Variants in PITPNM3 observed in about 807,000 individuals in gnomAD.
PITPNM3 encodes PITPNM family member 3.
A neutral mutation model predicts 102.0 loss-of-function variants in PITPNM3; 26 were observed. The ratio of observed to expected loss-of-function variants is 0.25; its 90% CI spans 0.19 to 0.35. The LOEUF (loss-of-function observed/expected upper bound fraction) is 0.35. Ranked by LOEUF, PITPNM3 falls within the 10% of genes least tolerant of loss-of-function variation. The probability of loss-of-function intolerance (pLI) is 1.00; values close to 1 mark genes in which losing one functional copy is unlikely to be tolerated. For missense variants in PITPNM3, 1,083 were observed against 1,346.1 expected (o/e 0.80, Z 3.06); for synonymous variants, 578 against 558.6 (o/e 1.03, Z -0.49).
intron 10 of PITPNM3, chr17:6,473,141 G>C: frequency 2.4e-6 from 1 of 419,356 alleles, no homozygotes; most frequent in South Asian, 2.1e-5. Context: ...ATTTCCACGG[G>C]GCAACTCCTT....
intron 1 of PITPNM3, among the ~76,000 whole-genome samples, chr17:6,555,982 A>G (rs1910581999): frequency 6.6e-6 from 1 of 151,746 alleles, no homozygotes; most frequent in South Asian, 2.1e-4. Flanking sequence ...GAGCTGCAGG[A>G]GCAGGGGGCG....
chr17:6,538,102 T>C lies in PITPNM3; in HGVS notation c.23-20A>G, dbSNP rs1185879000. 3.2e-6 allele frequency: 5 copies of C among 1,564,696 alleles called. No homozygotes were observed. Among genetic ancestry groups the C allele is most frequent in the Non-Finnish European group, 4.4e-6 (5 of 1,135,594 alleles). ...GACCACCTGTTAAAGGGAACACATC[T>C]GTTAACCAAGCCTGAGATGTTGTCC... On this transcript the variant is annotated intron_variant, in intron 1 of 19. Coordinates refer to ENST00000262483, the MANE Select transcript of PITPNM3 (RefSeq NM_031220.4).
chr17:6,484,971 T>C (rs763277814), intron 4 of PITPNM3, among the ~76,000 whole-genome samples: 2 of 152,094 alleles, frequency 1.3e-5, no homozygotes, highest in Non-Finnish European at 2.9e-5. Flanking sequence ...GCCTTAGGAC[T>C]TGAACTGGGA....
intron 19 of PITPNM3, among the ~76,000 whole-genome samples, chr17:6,456,009 CTATTT>C (rs1914100416): frequency 1.3e-5 from 2 of 151,684 alleles, no homozygotes; most frequent in South Asian, 2.1e-4. Context: ...ATTTTCTTTC[CTATTT>C]TATTTTAATT....
chr17:6,554,149 G>A (rs542023543), intron 1 of PITPNM3, among the ~76,000 whole-genome samples: 8 of 151,700 alleles, frequency 5.3e-5, no homozygotes, highest in South Asian at 4.2e-4. Flanking sequence ...TGAAACCTTC[G>A]TCTCTACTAA....
At chr17:6,533,166 T>C (rs954029547) in intron 2 of PITPNM3, among the ~76,000 whole-genome samples, 2 of 152,000 alleles carry the variant, frequency 1.3e-5, no homozygotes, top group African/African-American at 4.8e-5. Flanking sequence ...TTCTCCATGT[T>C]GATCAGGCTG....
intron 1 of PITPNM3, among the ~76,000 whole-genome samples, chr17:6,551,602 T>C (rs897705185): frequency 6.6e-6 from 1 of 152,040 alleles, no homozygotes; most frequent in African/African-American, 2.4e-5. Context: ...TGTCCAGGTA[T>C]GATGGCTCAT....
At chr17:6,541,286 AGTGTGTGTGT>A (rs113549938) in intron 1 of PITPNM3, among the ~76,000 whole-genome samples, 9 of 145,710 alleles carry the variant, frequency 6.2e-5, no homozygotes, top group African/African-American at 2.0e-4. Context: ...ATATGCTAAG[AGTGTGTGTGT>A]GTGTGTGTGT....
intron 1 of PITPNM3, among the ~76,000 whole-genome samples, chr17:6,551,682 C>G (rs1199902681): frequency 6.6e-6 from 1 of 152,050 alleles, no homozygotes; most frequent in African/African-American, 2.4e-5. Context: ...TTGAGACCAG[C>G]CTGGGCAACG....
At chr17:6,501,181 C>T (rs893255706) in intron 4 of PITPNM3, among the ~76,000 whole-genome samples, 15 of 152,158 alleles carry the variant, frequency 9.9e-5, no homozygotes, top group African/African-American at 3.4e-4. Flanking sequence ...TCGGGGCTGC[C>T]GCTGTCTCCT....
intron 2 of PITPNM3, among the ~76,000 whole-genome samples, chr17:6,527,477 T>C (rs1908899986): frequency 6.6e-6 from 1 of 152,200 alleles, no homozygotes; most frequent in South Asian, 2.1e-4. Context: ...GATGGTATCA[T>C]CATCACCAGC....
chr17:6,477,044 T>TA lies in PITPNM3; in HGVS notation c.1069_1070insT (p.His357LeufsTer15). ...GAGGGGCTACCTTGAGAGGAAGGCA[T>TA]GGTGCTGGGTGATGGCCTCGCAGTC... On this transcript the variant is annotated frameshift_variant, in exon 9 of 20. Coordinates refer to ENST00000262483, the MANE Select transcript of PITPNM3 (RefSeq NM_031220.4). LOFTEE classifies it high-confidence loss of function. 6.2e-7 allele frequency: 1 copy of TA among 1,614,074 alleles called. No individual in the cohort carries two copies. The highest frequency in any genetic ancestry group is 8.5e-7 in the Non-Finnish European group (1 of 1,180,006).
rs1904906782 is a variant in PITPNM3, at chr17:6,468,653, T to C, written c.1774-312A>G. Reference sequence around the variant, plus strand: ...TCTGTTACAACAAGGTGGCCCTTTCTTAAGGCCGGCTTGAGTCCTGATCCC... The same window carrying C: ...TCTGTTACAACAAGGTGGCCCTTTCCTAAGGCCGGCTTGAGTCCTGATCCC... On this transcript the variant is annotated intron_variant, in intron 13 of 19. Transcript: ENST00000262483. This position sits in a 1 kb window ranked among gnomAD's most constrained non-coding sequence, Gnocchi z 5.2. Among the ~76,000 whole-genome samples the C allele has an allele frequency of 6.6e-6, 1 of 152,180 alleles. No individual in the cohort carries two copies. The highest frequency in any genetic ancestry group is 1.9e-4 in the East Asian group (1 of 5,188).
At chr17:6,511,880 G>T (rs901236654) in intron 3 of PITPNM3, among the ~76,000 whole-genome samples, 1 of 152,170 alleles carries the variant, frequency 6.6e-6, no homozygotes, top group African/African-American at 2.4e-5. Context: ...AGGAGGTGGA[G>T]GTTTCAAGGA....
rs1485049254 is a variant in PITPNM3 at position 6,451,876 on chromosome 17, C to CA, written c.*3461_*3462insT. The CA allele has an allele frequency of 2.4e-4, 8 of 33,546 alleles. 1 individual carries two copies. The highest frequency in any genetic ancestry group is 8.9e-4 in the African/African-American group (7 of 7,842). The allele number at this position is 33,546 out of a possible 1,614,324, so 2.1% of individuals were successfully genotyped here. ...TTCCAGGGCACTTGGCACCCAAACCCCCCCCCCCCGCCCGCCGATGGGATT... is the reference window on the plus strand; with the variant it reads ...TTCCAGGGCACTTGGCACCCAAACCCACCCCCCCCCGCCCGCCGATGGGATT... On this transcript the variant is annotated 3_prime_UTR_variant, in exon 20 of 20. Transcript: ENST00000262483.
chr17:6,536,924 C>T (rs1319141889), intron 2 of PITPNM3, among the ~76,000 whole-genome samples: 1 of 152,184 alleles, frequency 6.6e-6, no homozygotes, highest in African/African-American at 2.4e-5. Flanking sequence ...TGCTTCTCCC[C>T]AACTCCTCTG....
intron 3 of PITPNM3, among the ~76,000 whole-genome samples, chr17:6,523,351 T>C (rs542096949): frequency 2.0e-5 from 3 of 152,268 alleles, no homozygotes; most frequent in African/African-American, 7.2e-5. Context: ...AGGGAGGTGA[T>C]GTGACTTTTC....
intron 2 of PITPNM3, among the ~76,000 whole-genome samples, chr17:6,525,949 G>A (rs1170741202): frequency 6.6e-6 from 1 of 152,224 alleles, no homozygotes; most frequent in Non-Finnish European, 1.5e-5. Context: ...ATAGATGAGA[G>A]CAATCATGAT....
chr17:6,463,103 G>A lies in PITPNM3; in HGVS notation c.2306+629C>T, dbSNP rs147729666. On this transcript the variant is annotated intron_variant, in intron 17 of 19. Transcript: ENST00000262483. ...TGTCTAGGCCTGTTCTTACGGAGCT[G>A]CTGGGCATCTTGAGGCCAGCAGTCT... Among the ~76,000 whole-genome samples the A allele has an allele frequency of 9.5e-3, 1,441 of 152,272 alleles. 14 individuals carry two copies. The highest frequency in any genetic ancestry group is 0.016 in the Non-Finnish European group (1,109 of 68,018).
Sources: allele counts gnomAD v4.1 joint callset (sites outside exome capture counted in the v4.1 genomes callset), GRCh38; gene constraint gnomAD v4.1.1; non-coding constraint Gnocchi (gnomAD v3.1); transcripts MANE v1.5; gene names NCBI Gene and HGNC (gene_info 2026-07-23, HGNC 2026-07-21).